The following NDST3 variants were observed in gnomAD, a reference collection of about 807,000 sequenced individuals.
NDST3 encodes bifunctional heparan sulfate N-deacetylase/N-sulfotransferase 3.
In NDST3, 58 loss-of-function variants were observed where a neutral mutation model predicts 96.1. The observed-to-expected ratio is 0.60, with a 90% CI of 0.49 to 0.75. The LOEUF is 0.75. Ranked by LOEUF, NDST3 falls within the 30% of genes least tolerant of loss-of-function variation. The pLI, the probability that NDST3 is intolerant of heterozygous loss-of-function variation, is 0.00. For synonymous variants in NDST3, 333 were observed against 359.7 expected (o/e 0.93, Z 0.84); for missense variants, 788 against 1,034.2 (o/e 0.76, Z 3.27).
intron 1 of NDST3, among the ~76,000 whole-genome samples, chr4:118,050,771 A>C (rs1578536461): frequency 6.6e-6 from 1 of 152,300 alleles, no homozygotes; most frequent in East Asian, 1.9e-4. Flanking sequence ...GATTAGAAGA[A>C]TCAGTATCAT....
chr4:118,125,791 C>A (rs1363811140), intron 4 of NDST3, among the ~76,000 whole-genome samples: 2 of 152,006 alleles, frequency 1.3e-5, no homozygotes, highest in East Asian at 3.9e-4. Flanking sequence ...CAAGATTTTT[C>A]ATTTCAAACC....
chr4:118,123,977 TTAC>T (rs1731827454), intron 4 of NDST3, among the ~76,000 whole-genome samples: 1 of 152,134 alleles, frequency 6.6e-6, no homozygotes, highest in Non-Finnish European at 1.5e-5. Context: ...CTGGAATTTC[TTAC>T]TACGTTTGGC....
chr4:118,217,138 G>A (rs1179393242), intron 6 of NDST3, among the ~76,000 whole-genome samples: 1 of 152,026 alleles, frequency 6.6e-6, no homozygotes, highest in Non-Finnish European at 1.5e-5. Context: ...ACATAAAATT[G>A]AGCTAAGTAG....
At chr4:118,251,125 A>ATTTTTTTTTTTTTTTTTT (rs370800744) in intron 12 of NDST3, among the ~76,000 whole-genome samples, 1 of 111,740 alleles carries the variant, frequency 8.9e-6, no homozygotes, top group Non-Finnish European at 1.9e-5. Flanking sequence ...TATTATTTTT[A>ATTTTTTTTTTTTTTTTTT]TTTTATTTTT....
At chr4:118,092,403 G>A (rs1483365812) in intron 2 of NDST3, among the ~76,000 whole-genome samples, 1 of 151,698 alleles carries the variant, frequency 6.6e-6, no homozygotes, top group Non-Finnish European at 1.5e-5. Context: ...GTCACAATAA[G>A]TTATTTTGGT....
intron 6 of NDST3, among the ~76,000 whole-genome samples, chr4:118,190,135 G>C (rs1197233083): frequency 6.6e-6 from 1 of 151,494 alleles, no homozygotes; most frequent in African/African-American, 2.4e-5. Context: ...TCTAGTAGTA[G>C]TAATATAATT....
In NDST3 at chr4:118,227,626, T is replaced by G. The variant is rs1461924925; in HGVS notation, c.1819+644T>G. On this transcript the variant is annotated intron_variant, in intron 8 of 13. Transcript: ENST00000296499. ...CATAAACTTTTTTTTTTTTTTTTTT[T>G]TTTGAGACGGAGTCTCGCTCTGTCA... Among the ~76,000 whole-genome samples, 3 of 147,566 alleles carry G rather than the reference T, an allele frequency of 2.0e-5. No individual in the cohort carries two copies. The South Asian group carries it at 6.5e-4, about 32-fold the overall frequency.
intron 6 of NDST3, among the ~76,000 whole-genome samples, chr4:118,164,390 T>C (rs2125929544): frequency 1.3e-5 from 2 of 152,236 alleles, no homozygotes; most frequent in Middle Eastern, 3.4e-3. Flanking sequence ...AACTCTTGGG[T>C]ACCAGTCTTG....
chr4:118,211,059 G>C (rs943068138), intron 6 of NDST3, among the ~76,000 whole-genome samples: 2 of 152,176 alleles, frequency 1.3e-5, no homozygotes, highest in African/African-American at 4.8e-5. Context: ...GCATTGATCA[G>C]ACTTTCTTCC....
intron 1 of NDST3, among the ~76,000 whole-genome samples, chr4:118,041,046 C>T (rs949799190): frequency 3.3e-5 from 5 of 151,888 alleles, no homozygotes; most frequent in Non-Finnish European, 5.9e-5. Context: ...CTGCACCCGG[C>T]CTCTAAGAGC....
intron 1 of NDST3, among the ~76,000 whole-genome samples, chr4:118,049,831 C>A (rs1724975744): frequency 6.6e-6 from 1 of 151,920 alleles, no homozygotes; most frequent in South Asian, 2.1e-4. Context: ...ACCAATCCTA[C>A]TGAAATTATT....
intron 2 of NDST3, among the ~76,000 whole-genome samples, chr4:118,096,453 T>C (rs1010673843): frequency 1.3e-5 from 2 of 151,852 alleles, no homozygotes; most frequent in Non-Finnish European, 2.9e-5. Flanking sequence ...CCAAACCAGC[T>C]GAAATGGACT....
chr4:118,214,868 C>T (rs1056151345), intron 6 of NDST3, among the ~76,000 whole-genome samples: 3 of 152,002 alleles, frequency 2.0e-5, no homozygotes, highest in Admixed American at 1.3e-4. Flanking sequence ...ATAAGGAATA[C>T]AAAAGGAAGA....
At chr4:118,221,505 G>C (rs572969660) in intron 6 of NDST3, among the ~76,000 whole-genome samples, 1 of 152,040 alleles carries the variant, frequency 6.6e-6, no homozygotes, top group Admixed American at 6.6e-5. Context: ...TTTGCACCAG[G>C]ACCTGTATTT....
At position 118,255,847 on chromosome 4, in the gene NDST3, CA is replaced by C. The variant is rs1742088896; in HGVS notation, c.*136del. ...AAGAACAGTTTCTTCCATGTGCTGG[CA>C]CGTGGATGATTAGAAAAAAAGAAAA... On this transcript the variant is annotated 3_prime_UTR_variant, in exon 14 of 14. Coordinates refer to ENST00000296499, the MANE Select transcript of NDST3 (RefSeq NM_004784.3). 2.9e-6 allele frequency: 3 copies of C among 1,041,788 alleles called. No individual in the cohort carries two copies. Among genetic ancestry groups the C allele is most frequent in the Non-Finnish European group, 2.7e-6 (2 of 751,256 alleles). 64.5% of individuals were successfully genotyped at this position (1,041,788 alleles called of 1,614,324 possible). A position where few individuals can be genotyped will look rare whatever the true frequency, so the allele number is the denominator to read the frequency against.
At chr4:118,203,835 A>G (rs1007728653) in intron 6 of NDST3, among the ~76,000 whole-genome samples, 2 of 152,140 alleles carry the variant, frequency 1.3e-5, no homozygotes, top group African/African-American at 4.8e-5. Flanking sequence ...TAATTCTCAG[A>G]TCCTCTTAAT....
chr4:118,200,036 C>T (rs750035332), intron 6 of NDST3, among the ~76,000 whole-genome samples: 1 of 152,176 alleles, frequency 6.6e-6, no homozygotes, highest in African/African-American at 2.4e-5. Flanking sequence ...CTGCTGTAAC[C>T]ACTCTTTGGC....
chr4:118,053,921 T>C lies in NDST3; in HGVS notation c.11T>C (p.Ile4Thr), dbSNP rs199907165. Residue 4 changes from isoleucine (I) to threonine (T), a missense_variant, in exon 2 of 14, where the codon ATC becomes ACC. Around this residue, in one of 3 missense-constraint regions of NDST3, gnomAD observed 234 missense variants for 256.9 expected, o/e 0.91. Coordinates refer to ENST00000296499, the MANE Select transcript of NDST3 (RefSeq NM_004784.3). MSF[I>T]MKLHRHFQRT... is the part of the protein sequence containing the mutation. ...GAAAGCACCTACAACATGAGTTTTA[T>C]CATGAAGCTTCACAGACACTTTCAA... The C allele has an allele frequency of 2.5e-4, 394 of 1,600,810 alleles. 4 individuals are homozygous for C. Among genetic ancestry groups the C allele is most frequent in the Non-Finnish European group, 2.4e-5 (28 of 1,172,440 alleles).
intron 13 of NDST3, among the ~76,000 whole-genome samples, chr4:118,254,454 T>C (rs967976203): frequency 6.6e-6 from 1 of 152,176 alleles, no homozygotes; most frequent in Non-Finnish European, 1.5e-5. Flanking sequence ...ACACACACTT[T>C]GCAGTATGTA....
Sources: allele counts gnomAD v4.1 joint callset (sites outside exome capture counted in the v4.1 genomes callset), GRCh38; gene constraint gnomAD v4.1.1; regional missense constraint gnomAD v4.1.1; transcripts MANE v1.5; gene names NCBI Gene and HGNC (gene_info 2026-07-23, HGNC 2026-07-21).